SPIDR: variants seen among roughly 807,000 people sequenced by gnomAD.
SPIDR encodes the protein scaffold protein involved in DNA repair.
Under a neutral mutation model 104.6 loss-of-function variants are expected in SPIDR, and 93 were observed. The ratio of observed to expected loss-of-function variants is 0.89; its 90% confidence interval spans 0.75 to 1.06. SPIDR has a LOEUF of 1.06. SPIDR is among the 50% of genes least tolerant of loss of function. SPIDR has a pLI of 0.00. For synonymous variants in SPIDR, 431 were observed against 416.9 expected (o/e 1.03, Z -0.41); for missense variants, 1,154 against 1,111.2 (o/e 1.04, Z -0.55).
chr8:47,668,705 G>A (rs1484855920), intron 10 of SPIDR, among the ~76,000 whole-genome samples: 1 of 152,050 alleles, frequency 6.6e-6, no homozygotes, highest in Non-Finnish European at 1.5e-5. Context: ...AAGCAAAATT[G>A]GAATTATGAA....
At chr8:47,576,160 T>A (rs970779745) in intron 8 of SPIDR, among the ~76,000 whole-genome samples, 2 of 151,168 alleles carry the variant, frequency 1.3e-5, no homozygotes, top group African/African-American at 2.5e-5. Flanking sequence ...ATTTTATTTA[T>A]TTATTTATTT....
chr8:47,603,360 C>T (rs1399502148), intron 10 of SPIDR, among the ~76,000 whole-genome samples: 1 of 152,060 alleles, frequency 6.6e-6, no homozygotes, highest in Admixed American at 6.6e-5. Context: ...CTCTTCCTTT[C>T]TTCTTGAGAT....
chr8:47,448,087 G>A (rs1290923102), intron 8 of SPIDR, among the ~76,000 whole-genome samples: 1 of 152,070 alleles, frequency 6.6e-6, no homozygotes, highest in Non-Finnish European at 1.5e-5. Flanking sequence ...ACTTTTTCTT[G>A]TATTTATTTA....
intron 5 of SPIDR, among the ~76,000 whole-genome samples, chr8:47,363,199 C>CTTTTTTTTTT (rs34705214): frequency 2.4e-4 from 19 of 79,696 alleles, no homozygotes; most frequent in East Asian, 7.2e-4. Context: ...CTTTATCTCT[C>CTTTTTTTTTT]TTTTTTTTTT....
At chr8:47,541,163 T>A (rs1186510893) in intron 8 of SPIDR, among the ~76,000 whole-genome samples, 1 of 152,148 alleles carries the variant, frequency 6.6e-6, no homozygotes, top group Non-Finnish European at 1.5e-5. Context: ...CCCAACCAAT[T>A]AACACTCTTA....
intron 8 of SPIDR, among the ~76,000 whole-genome samples, chr8:47,534,230 C>T (rs1349970066): frequency 1.3e-5 from 2 of 152,186 alleles, no homozygotes; most frequent in South Asian, 2.1e-4. Context: ...CATAAATTTC[C>T]GAGTCCTGGG....
chr8:47,586,313 GA>G (rs1048823805), intron 8 of SPIDR, among the ~76,000 whole-genome samples: 8 of 152,036 alleles, frequency 5.3e-5, no homozygotes, highest in Admixed American at 2.0e-4. Context: ...TTTTCCAAAA[GA>G]AAAAAACTGC....
At chr8:47,422,383 T>C (rs2065666934) in intron 7 of SPIDR, among the ~76,000 whole-genome samples, 2 of 152,186 alleles carry the variant, frequency 1.3e-5, no homozygotes, top group Non-Finnish European at 2.9e-5. Context: ...TGAGCGAGGC[T>C]CTGTGGGCGT....
intron 5 of SPIDR, among the ~76,000 whole-genome samples, chr8:47,330,277 C>T (rs1172935936): frequency 2.0e-5 from 3 of 151,960 alleles, no homozygotes; most frequent in Non-Finnish European, 4.4e-5. Flanking sequence ...TTCCCTCCCC[C>T]ACATATGCAT....
chr8:47,384,381 AGACTGATGAAACCT>A (rs2059649651), intron 5 of SPIDR, among the ~76,000 whole-genome samples: 1 of 152,224 alleles, frequency 6.6e-6, no homozygotes, highest in Non-Finnish European at 1.5e-5. Context: ...GTGTTACGTA[AGACTGATGAAACCT>A]AGCATTGAAG....
At chr8:47,731,240 A>G (rs1160062778) in intron 19 of SPIDR, among the ~76,000 whole-genome samples, 1 of 151,648 alleles carries the variant, frequency 6.6e-6, no homozygotes, top group African/African-American at 2.4e-5. Flanking sequence ...GCGACAGAGC[A>G]AGACTCCGTC....
chr8:47,677,116 G>A (rs1292917149), intron 11 of SPIDR, among the ~76,000 whole-genome samples: 1 of 152,078 alleles, frequency 6.6e-6, no homozygotes, highest in Non-Finnish European at 1.5e-5. Flanking sequence ...TTCCTCTCCG[G>A]GGCACACCTG....
chr8:47,611,469 C>T (rs1403193966), intron 10 of SPIDR, among the ~76,000 whole-genome samples: 2 of 152,074 alleles, frequency 1.3e-5, no homozygotes, highest in African/African-American at 4.8e-5. Context: ...GAGGCCGAGA[C>T]GGGCAGATCA....
chr8:47,431,730 G>A (rs1212128306), intron 7 of SPIDR, among the ~76,000 whole-genome samples: 1 of 152,126 alleles, frequency 6.6e-6, no homozygotes, highest in Non-Finnish European at 1.5e-5. Flanking sequence ...AATAATTGTG[G>A]CTTTTGGAGA....
chr8:47,284,129 A>G, intron 3 of SPIDR, 35 bp downstream of exon 3: 2 of 1,503,848 alleles, frequency 1.3e-6, no homozygotes, highest in South Asian at 1.2e-5. Context: ...CAGAGAAGAT[A>G]TAAGACTAAT....
chr8:47,344,485 G>A (rs868970096), intron 5 of SPIDR, among the ~76,000 whole-genome samples: 6 of 152,204 alleles, frequency 3.9e-5, no homozygotes, highest in Admixed American at 6.5e-5. Flanking sequence ...TATATACCCA[G>A]TAATGGGATG....
chr8:47,582,720 G>T (rs2059831487), intron 8 of SPIDR, among the ~76,000 whole-genome samples: 1 of 151,742 alleles, frequency 6.6e-6, no homozygotes, highest in South Asian at 2.1e-4. Context: ...AAGCAGCCAG[G>T]TGTGGTGACA....
intron 7 of SPIDR, among the ~76,000 whole-genome samples, chr8:47,432,029 G>A (rs2067448304): frequency 6.6e-6 from 1 of 152,026 alleles, no homozygotes; most frequent in Non-Finnish European, 1.5e-5. Flanking sequence ...ATGAATCGAT[G>A]GCATCTTATA....
intron 5 of SPIDR, among the ~76,000 whole-genome samples, chr8:47,384,161 A>G (rs1251377596): frequency 6.6e-6 from 1 of 152,200 alleles, no homozygotes; most frequent in African/African-American, 2.4e-5. Context: ...GGTTTGTTGA[A>G]TTAATTAGTG....
Sources: gnomAD v4.1 joint callset for allele counts (sites outside exome capture counted in the v4.1 genomes callset) on GRCh38, gnomAD v4.1.1 for gene constraint, MANE v1.5 for transcripts, NCBI Gene and HGNC (gene_info 2026-07-23, HGNC 2026-07-21) for gene names.